Variants in DTNA observed in about 807,000 individuals in gnomAD.
DTNA encodes dystrophin-related protein 3.
In DTNA, 43 loss-of-function variants were observed where a neutral mutation model predicts 100.7. That is an observed-to-expected ratio of 0.43 (90% CI 0.33 to 0.55). DTNA has a LOEUF of 0.55. DTNA is among the 20% of genes least tolerant of loss of function. DTNA has a pLI of 0.04. For missense variants in DTNA, 798 were observed against 953.9 expected (o/e 0.84, Z 2.15); for synonymous variants, 349 against 347.9 (o/e 1.00, Z -0.04).
At chr18:34,550,780 A>G (rs1357039746) in intron 1 of DTNA, among the ~76,000 whole-genome samples, 3 of 152,170 alleles carry the variant, frequency 2.0e-5, no homozygotes. Flanking sequence ...TAGAACTCCA[A>G]ATAGTCTGGA....
intron 11 of DTNA, among the ~76,000 whole-genome samples, chr18:34,833,019 C>T (rs1197597294): frequency 6.6e-6 from 1 of 152,024 alleles, no homozygotes; most frequent in Non-Finnish European, 1.5e-5. Flanking sequence ...AATATCTGTT[C>T]TTAATTTGCT....
chr18:34,817,699 C>T (rs1177612939), intron 7 of DTNA, among the ~76,000 whole-genome samples: 1 of 152,062 alleles, frequency 6.6e-6, no homozygotes, highest in Non-Finnish European at 1.5e-5. Context: ...CATTCTCTGC[C>T]CATCTTCCTT....
At chr18:34,568,008 A>C (rs192162499) in intron 1 of DTNA, among the ~76,000 whole-genome samples, 8 of 152,102 alleles carry the variant, frequency 5.3e-5, no homozygotes, top group African/African-American at 1.9e-4. Context: ...CTTTATGGAG[A>C]GAATGCTCTT....
intron 4 of DTNA, among the ~76,000 whole-genome samples, chr18:34,799,359 A>G (rs1380747269): frequency 2.0e-5 from 3 of 152,202 alleles, no homozygotes; most frequent in Non-Finnish European, 4.4e-5. Context: ...TACTCTGCCA[A>G]AATCCTTCTG....
chr18:34,731,644 C>A (rs2088266253), intron 1 of DTNA, among the ~76,000 whole-genome samples: 1 of 152,152 alleles, frequency 6.6e-6, no homozygotes, highest in Non-Finnish European at 1.5e-5. Context: ...CTTTGAGTAT[C>A]ACTTATCACA....
At chr18:34,790,562 TATA>T (rs1228238722) in intron 3 of DTNA, among the ~76,000 whole-genome samples, 44 of 89,396 alleles carry the variant, frequency 4.9e-4, no homozygotes, top group South Asian at 3.4e-3. Context: ...TATATATATA[TATA>T]TATTTTTTTT....
chr18:34,516,638 C>G (rs151159182), intron 1 of DTNA, among the ~76,000 whole-genome samples: 300 of 152,188 alleles, frequency 2.0e-3, no homozygotes, highest in African/African-American at 7.1e-3. Flanking sequence ...AGGGCTGTTC[C>G]TTGCTGAGAA....
chr18:34,712,088 GAC>G (rs1256139683), intron 1 of DTNA, among the ~76,000 whole-genome samples: 1 of 151,964 alleles, frequency 6.6e-6, no homozygotes, highest in African/African-American at 2.4e-5. Flanking sequence ...TATTGAAACT[GAC>G]AATATCTGAG....
chr18:34,528,077 G>GT (rs1369196857), intron 1 of DTNA, among the ~76,000 whole-genome samples: 1 of 151,964 alleles, frequency 6.6e-6, no homozygotes, highest in African/African-American at 2.4e-5. Context: ...ATTTTAATGA[G>GT]TTAGAGTCTC....
intron 1 of DTNA, among the ~76,000 whole-genome samples, chr18:34,682,503 G>A (rs927438951): frequency 2.6e-5 from 4 of 152,146 alleles, no homozygotes; most frequent in Non-Finnish European, 4.4e-5. Context: ...CAACAAATAA[G>A]TGTCCTGTTG....
intron 3 of DTNA, among the ~76,000 whole-genome samples, chr18:34,784,478 C>G (rs2094443131): frequency 6.6e-6 from 1 of 152,172 alleles, no homozygotes; most frequent in South Asian, 2.1e-4. Flanking sequence ...CTCCTTATCC[C>G]CATCTATGCA....
chr18:34,836,103 A>G (rs1304061045), intron 11 of DTNA, among the ~76,000 whole-genome samples: 3 of 152,192 alleles, frequency 2.0e-5, no homozygotes, highest in Non-Finnish European at 4.4e-5. Flanking sequence ...GGTACTGCAT[A>G]ATGAATGTAT....
intron 16 of DTNA, among the ~76,000 whole-genome samples, chr18:34,862,797 C>G (rs2096646379): frequency 6.6e-6 from 1 of 151,968 alleles, no homozygotes; most frequent in Non-Finnish European, 1.5e-5. Flanking sequence ...GAGACCTTGT[C>G]TCTAAAAAAA....
intron 1 of DTNA, among the ~76,000 whole-genome samples, chr18:34,682,047 A>G (rs1487148082): frequency 6.6e-6 from 1 of 152,116 alleles, no homozygotes; most frequent in Non-Finnish European, 1.5e-5. Flanking sequence ...TTGAAATCAT[A>G]CAGTGTGTAG....
intron 1 of DTNA, among the ~76,000 whole-genome samples, chr18:34,686,928 T>A (rs1246505887): frequency 6.6e-6 from 1 of 152,142 alleles, no homozygotes; most frequent in Non-Finnish European, 1.5e-5. Flanking sequence ...AGTTTATTTG[T>A]GTAGAGGTGT....
At chr18:34,509,973 G>A (rs535951407) in intron 1 of DTNA, among the ~76,000 whole-genome samples, 77 of 152,024 alleles carry the variant, frequency 5.1e-4, no homozygotes, top group Middle Eastern at 3.4e-3. Flanking sequence ...GTCTGCCATG[G>A]AGTGGTTATA....
chr18:34,573,482 G>A (rs1004638005), intron 1 of DTNA, among the ~76,000 whole-genome samples: 1 of 152,118 alleles, frequency 6.6e-6, no homozygotes, highest in Non-Finnish European at 1.5e-5. Context: ...GTTTACACAT[G>A]GCTACATGTT....
chr18:34,809,518 T>TA (rs2095439618), intron 5 of DTNA, among the ~76,000 whole-genome samples: 1 of 152,186 alleles, frequency 6.6e-6, no homozygotes, highest in Non-Finnish European at 1.5e-5. Context: ...GTTGCTTCTG[T>TA]AATAAGAAAA....
intron 1 of DTNA, among the ~76,000 whole-genome samples, chr18:34,600,453 T>C (rs1001050657): frequency 3.9e-5 from 6 of 152,234 alleles, no homozygotes; most frequent in African/African-American, 1.4e-4. Flanking sequence ...AGTGTGATAG[T>C]TCACACATTT....
Sources: allele counts gnomAD v4.1 joint callset (sites outside exome capture counted in the v4.1 genomes callset), GRCh38; gene constraint gnomAD v4.1.1; transcripts MANE v1.5; gene names NCBI Gene and HGNC (gene_info 2026-07-23, HGNC 2026-07-21).